Variants in AKR1C3 observed in about 807,000 individuals in gnomAD.
AKR1C3 encodes the protein aldo-keto reductase family 1 member C3, also known as 3-alpha hydroxysteroid dehydrogenase, type II.
A neutral mutation model predicts 43.6 loss-of-function variants in AKR1C3; 48 were observed. That is an observed-to-expected ratio of 1.10 (90% confidence interval 0.87 to 1.40). The LOEUF (loss-of-function observed/expected upper bound fraction) is 1.40. Among genes scored for constraint, AKR1C3 ranks in the 40% most tolerant of loss-of-function variants. The pLI is 0.00. For missense variants in AKR1C3, 482 were observed against 391.2 expected, an observed-to-expected ratio of 1.23 and a Z score of -1.96; for synonymous variants, 162 against 139.6, an observed-to-expected ratio of 1.16 and a Z score of -1.13.
At chr10:5,057,853 A>G (rs1227691572) in intron 1 of AKR1C3, among the ~76,000 whole-genome samples, 2 of 152,194 alleles carry the variant, frequency 1.3e-5, no homozygotes, top group Non-Finnish European at 2.9e-5. Flanking sequence ...CATTCTTTTC[A>G]TTAAAGGCCA....
At chr10:5,096,644 ATGAC>A (rs1159639423) in intron 2 of AKR1C3, 67 bp downstream of exon 2, 45 of 1,516,912 alleles carry the variant, frequency 3.0e-5, no homozygotes, top group Admixed American at 3.9e-5. Context: ...TGACAATTCT[ATGAC>A]TGGATGAGTA....
At position 5,102,204 on chromosome 10, in the gene AKR1C3, A is replaced by G. The variant is rs1002188034; in HGVS notation, c.674A>G (p.Lys225Arg). Residue 225 changes from lysine (K) to arginine (R), a missense_variant, in exon 6 of 9, where the codon AAA becomes AGA. Lys to Arg is a conservative substitution (Grantham distance 26, BLOSUM62 2). Coordinates refer to ENST00000380554, the MANE Select transcript of AKR1C3 (RefSeq NM_003739.6). ...AYSALGSQRDKRWVDPNSPVL... is the reference protein window; with the variant it reads ...AYSALGSQRDRRWVDPNSPVL... ...AGTGCTCTGGGATCTCAACGAGACA[A>G]ACGATGGTAATAAAAACAATGGGAC... The G allele has an allele frequency of 1.9e-6, 3 of 1,612,614 alleles. No individual in the cohort carries two copies. Among genetic ancestry groups the G allele is most frequent in the Admixed American group, 1.7e-5 (1 of 59,868 alleles).
chr10:5,106,390 T>A (rs1473362657), intron 8 of AKR1C3, among the ~76,000 whole-genome samples: 3 of 152,192 alleles, frequency 2.0e-5, no homozygotes, highest in African/African-American at 7.2e-5. Flanking sequence ...ATAAAAGATC[T>A]TTACTATTCC....
chr10:5,087,955 G>T (rs554662430), intron 1 of AKR1C3, among the ~76,000 whole-genome samples: 1 of 152,046 alleles, frequency 6.6e-6, no homozygotes, highest in East Asian at 1.9e-4. Flanking sequence ...TTCAGGGAGG[G>T]TTTAACACTA....
At chr10:5,090,305 G>A (rs72549132), upstream of AKR1C3, among the ~76,000 whole-genome samples, 1,649 of 152,210 alleles carry the variant, frequency 0.011, 21 homozygotes, top group African/African-American at 0.037. Context: ...AACTTCTGTT[G>A]TAAAGCATGA....
upstream of AKR1C3, among the ~76,000 whole-genome samples, chr10:5,089,424 A>C (rs932101980): frequency 2.0e-5 from 3 of 152,154 alleles, no homozygotes; most frequent in African/African-American, 7.2e-5. Flanking sequence ...TATTTCTCAA[A>C]GCCTTTGTTC....
chr10:5,085,487 A>C (rs1425675496), intron 1 of AKR1C3, among the ~76,000 whole-genome samples: 1 of 151,836 alleles, frequency 6.6e-6, no homozygotes, highest in Non-Finnish European at 1.5e-5. Flanking sequence ...CCAGTATTTT[A>C]TTGAGGATTT....
chr10:5,105,089 ATC>A (rs1839465553), intron 7 of AKR1C3, among the ~76,000 whole-genome samples: 1 of 152,180 alleles, frequency 6.6e-6, no homozygotes. Context: ...TCAAGCCTGT[ATC>A]TGTTTCCTTT....
In AKR1C3 at chr10:5,105,276, G is replaced by C. The variant is rs202211334; in HGVS notation, c.847-319G>C. ...CCTCTAGATTCTTGTGGGCCTTCTA[G>C]GTACATGACCCTATCATGTGGGCAC... On this transcript the variant is annotated intron_variant, in intron 7 of 8. Coordinates refer to ENST00000380554, the MANE Select transcript of AKR1C3 (RefSeq NM_003739.6). 1.5e-3 allele frequency: 285 copies of C among 190,658 alleles called. 6 individuals are homozygous for C. The East Asian group carries it at 0.033, about 22-fold the overall frequency. 11.8% of individuals were successfully genotyped at this position (190,658 alleles called of 1,614,324 possible).
At chr10:5,059,461 A>C (rs7082806) in intron 1 of AKR1C3, among the ~76,000 whole-genome samples, 119,946 of 151,452 alleles carry the variant, frequency 0.79, 47,629 homozygotes, top group South Asian at 0.89. Flanking sequence ...GTCATCAGGA[A>C]CCCGGAGCTG....
chr10:5,106,315 A>C (rs587609344), intron 8 of AKR1C3, among the ~76,000 whole-genome samples: 1 of 152,312 alleles, frequency 6.6e-6, no homozygotes, highest in East Asian at 1.9e-4. Flanking sequence ...AATTTAAAAA[A>C]ATTTAAAATC....
At chr10:5,086,961 T>C (rs1266104465) in intron 1 of AKR1C3, among the ~76,000 whole-genome samples, 1 of 152,200 alleles carries the variant, frequency 6.6e-6, no homozygotes, top group Non-Finnish European at 1.5e-5. Context: ...ATTTTGAGCC[T>C]ATGTGTGTCT....
At chr10:5,070,731 G>A (rs1430521067) in intron 1 of AKR1C3, among the ~76,000 whole-genome samples, 3 of 152,146 alleles carry the variant, frequency 2.0e-5, no homozygotes, top group African/African-American at 7.2e-5. Flanking sequence ...TCCCTTTTGT[G>A]ACATGAGGAT....
At chr10:5,073,971 T>C (rs1838660712) in intron 1 of AKR1C3, among the ~76,000 whole-genome samples, 3 of 152,058 alleles carry the variant, frequency 2.0e-5, no homozygotes, top group Admixed American at 1.3e-4. Context: ...AGCACAAACT[T>C]GCCCCCCATT....
rs782507514 is a variant in AKR1C3, at chr10:5,099,423, C to G, written c.544C>G (p.Leu182Val). The G allele has an allele frequency of 7.4e-6, 12 of 1,614,190 alleles. No individual in the cohort carries two copies. The highest frequency in any genetic ancestry group is 4.5e-5 in the East Asian group (2 of 44,870). The change falls in exon 5 of 9, where the codon CTC becomes GTC. Residue 182 changes from leucine to valine, a missense_variant. By Grantham distance (32) the Leu-to-Val change is conservative (BLOSUM62 1). Coordinates refer to ENST00000380554, the MANE Select transcript of AKR1C3 (RefSeq NM_003739.6). ...QLEMILNKPG[L>V]KYKPVCNQVE... Reference sequence around the variant, plus strand: ...GGAGATGATCCTCAACAAGCCAGGACTCAAGTACAAGCCTGTCTGCAACCA... The same window carrying G: ...GGAGATGATCCTCAACAAGCCAGGAGTCAAGTACAAGCCTGTCTGCAACCA...
chr10:5,092,421 G>A (rs35843850), upstream of AKR1C3, among the ~76,000 whole-genome samples: 595 of 150,282 alleles, frequency 4.0e-3, 11 homozygotes, highest in African/African-American at 0.014. Flanking sequence ...CCAATGCTGT[G>A]TATACTACTT....
chr10:5,098,699 A>T (rs782413019), intron 3 of AKR1C3, 103 bp from the exon 4 acceptor site: 78 of 858,934 alleles, frequency 9.1e-5, no homozygotes, highest in Non-Finnish European at 1.4e-4. Context: ...GCATTGTACC[A>T]CCTGTCTCAT....
intron 1 of AKR1C3, among the ~76,000 whole-genome samples, chr10:5,084,208 TAG>T (rs1392505855): frequency 6.6e-6 from 1 of 152,296 alleles, no homozygotes; most frequent in East Asian, 1.9e-4. Flanking sequence ...TTTATGGCTT[TAG>T]GTCTACATGT....
intron 1 of AKR1C3, among the ~76,000 whole-genome samples, chr10:5,066,918 C>T (rs1838516700): frequency 6.6e-6 from 1 of 152,142 alleles, no homozygotes; most frequent in Admixed American, 6.5e-5. Context: ...CTATTCATTG[C>T]TTCTCTACTC....
Sources: gnomAD v4.1 joint callset for allele counts (sites outside exome capture counted in the v4.1 genomes callset) on GRCh38, gnomAD v4.1.1 for gene constraint, MANE v1.5 for transcripts, NCBI Gene and HGNC (gene_info 2026-07-23, HGNC 2026-07-21) for gene names.